The following PAK6 variants were observed in gnomAD, a reference collection of about 807,000 sequenced individuals.
PAK6 encodes the protein serine/threonine-protein kinase PAK 6.
A neutral mutation model predicts 60.8 loss-of-function variants in PAK6; 33 were observed. That is an observed-to-expected ratio of 0.54 (90% confidence interval 0.41 to 0.73). The LOEUF (loss-of-function observed/expected upper bound fraction) is 0.73. Ranked by LOEUF, PAK6 falls within the 30% of genes least tolerant of loss-of-function variation. PAK6 has a pLI of 0.00. For synonymous variants in PAK6, 404 were observed against 378.5 expected (o/e 1.07, Z -0.78); for missense variants, 845 against 904.1 (o/e 0.93, Z 0.84).
chr15:40,275,279 G>GTTTTTTTTTTTTTTTTTT (rs1491294097), intron 10 of PAK6, among the ~76,000 whole-genome samples: 1 of 13,712 alleles, frequency 7.3e-5, no homozygotes, highest in African/African-American at 1.8e-4. Context: ...TGTTGTTGTT[G>GTTTTTTTTTTTTTTTTTT]GTTTTTTTTT....
At chr15:40,270,272 C>T (rs995475017) in intron 5 of PAK6, among the ~76,000 whole-genome samples, 1 of 152,200 alleles carries the variant, frequency 6.6e-6, no homozygotes, top group African/African-American at 2.4e-5. Flanking sequence ...CCTCCACCCC[C>T]CTCACAGCCC....
chr15:40,255,926 A>T (rs1325312004), intron 3 of PAK6, among the ~76,000 whole-genome samples: 2 of 152,256 alleles, frequency 1.3e-5, no homozygotes, highest in Non-Finnish European at 2.9e-5. Flanking sequence ...TTCTGGCTGC[A>T]GAAGGTTGGC....
At chr15:40,272,084 A>T in intron 5 of PAK6, 140 bp from the exon 6 acceptor site, 1 of 906,510 alleles carries the variant, frequency 1.1e-6, no homozygotes, top group Non-Finnish European at 1.7e-6. Context: ...ATCTTTGCTC[A>T]GAGCACCTCC....
exon 5 of PAK6, chr15:40,266,046 C>A: frequency 1.2e-6 from 2 of 1,607,882 alleles, no homozygotes; most frequent in East Asian, 2.2e-5. Context: ...CCAGTCTGAG[C>A]GCACTGACCC....
intron 2 of PAK6, chr15:40,251,707 T>C (rs1239330010): frequency 6.6e-6 from 1 of 152,592 alleles, no homozygotes; most frequent in Non-Finnish European, 1.5e-5. Flanking sequence ...ACACAGCCTT[T>C]CTCTGGGGGC....
At chr15:40,261,147 C>T (rs971652558) in intron 3 of PAK6, among the ~76,000 whole-genome samples, 4 of 151,958 alleles carry the variant, frequency 2.6e-5, no homozygotes, top group Admixed American at 2.0e-4. Flanking sequence ...CTCGGCCTCC[C>T]AAAGTGCTGG....
chr15:40,241,838 C>A (rs1359448800), intron 2 of PAK6, among the ~76,000 whole-genome samples: 1 of 152,200 alleles, frequency 6.6e-6, no homozygotes, highest in Non-Finnish European at 1.5e-5. Context: ...AGTCCCCTGC[C>A]CTGGAGGAGC....
intron 5 of PAK6, among the ~76,000 whole-genome samples, chr15:40,271,535 C>T (rs983199810): frequency 2.0e-5 from 3 of 152,204 alleles, no homozygotes; most frequent in African/African-American, 7.2e-5. Context: ...GACCTACCCT[C>T]CTAACTCCAG....
At chr15:40,270,719 T>A (rs189005781) in intron 5 of PAK6, among the ~76,000 whole-genome samples, 14 of 152,328 alleles carry the variant, frequency 9.2e-5, no homozygotes, top group Non-Finnish European at 1.0e-4. Context: ...GTCCAGGCAG[T>A]CCTGGGAGGA....
At chr15:40,244,997 G>C (rs1375008062) in intron 2 of PAK6, 1 of 152,212 alleles carries the variant, frequency 6.6e-6, no homozygotes, top group East Asian at 1.9e-4. Context: ...GACACCTGTG[G>C]ATTCTCCGTG....
chr15:40,257,926 T>C (rs920945934), intron 3 of PAK6, among the ~76,000 whole-genome samples: 6 of 152,036 alleles, frequency 3.9e-5, no homozygotes, highest in African/African-American at 1.2e-4. Context: ...ACTCACCCCC[T>C]CCTCAAGCCA....
At chr15:40,244,753 G>T (rs2038452631) in intron 2 of PAK6, among the ~76,000 whole-genome samples, 1 of 152,140 alleles carries the variant, frequency 6.6e-6, no homozygotes, top group South Asian at 2.1e-4. Context: ...TAATCCTAAA[G>T]CTTATTCACC....
intron 3 of PAK6, among the ~76,000 whole-genome samples, chr15:40,263,336 C>T (rs1464686766): frequency 6.6e-6 from 1 of 152,208 alleles, no homozygotes; most frequent in Non-Finnish European, 1.5e-5. Flanking sequence ...ACCCAGTGAG[C>T]TGTTCTGAGC....
intron 9 of PAK6, 128 bp downstream of exon 9, chr15:40,273,804 C>T (rs2039376643): frequency 1.8e-6 from 2 of 1,135,320 alleles, no homozygotes; most frequent in Non-Finnish European, 2.5e-6. Context: ...TAGTCAACAC[C>T]CTTCCCCCTT....
intron 3 of PAK6, chr15:40,259,628 A>T (rs1247603346): frequency 6.6e-6 from 1 of 151,972 alleles, no homozygotes; most frequent in African/African-American, 2.4e-5. Flanking sequence ...CTCTACTAAA[A>T]ATACAAAAAT....
chr15:40,262,558 G>A (rs1014265725), intron 3 of PAK6, among the ~76,000 whole-genome samples: 29 of 152,126 alleles, frequency 1.9e-4, no homozygotes, highest in African/African-American at 6.8e-4. Context: ...AAGGCCAAAA[G>A]GAGGAGGACA....
At chr15:40,243,607 G>A (rs2038417766) in intron 2 of PAK6, among the ~76,000 whole-genome samples, 1 of 152,202 alleles carries the variant, frequency 6.6e-6, no homozygotes, top group Non-Finnish European at 1.5e-5. Context: ...GGGGGAATCA[G>A]GAAAGGCTTC....
At chr15:40,255,478 C>G (rs1191463860) in intron 3 of PAK6, among the ~76,000 whole-genome samples, 1 of 152,204 alleles carries the variant, frequency 6.6e-6, no homozygotes. Context: ...CGCACTTCAG[C>G]ACACTGACCC....
chr15:40,243,601 G>A (rs966680115), intron 2 of PAK6, among the ~76,000 whole-genome samples: 3 of 152,216 alleles, frequency 2.0e-5, no homozygotes, highest in Non-Finnish European at 4.4e-5. Flanking sequence ...TTGTTCGGGG[G>A]AATCAGGAAA....
Sources: allele counts gnomAD v4.1 joint callset (sites outside exome capture counted in the v4.1 genomes callset), GRCh38; gene constraint gnomAD v4.1.1; transcripts MANE v1.5; gene names NCBI Gene and HGNC (gene_info 2026-07-23, HGNC 2026-07-21).